The following CSMD1 variants were observed in gnomAD, a reference collection of about 807,000 sequenced individuals.
CSMD1 encodes the protein CUB and sushi domain-containing protein 1.
Under a neutral mutation model 417.5 loss-of-function variants are expected in CSMD1, and 213 were observed. The observed-to-expected ratio is 0.51, with a 90% CI of 0.46 to 0.57. CSMD1 has a LOEUF of 0.57. Among genes scored for constraint, CSMD1 ranks in the 20% least tolerant of loss-of-function variants. CSMD1 has a pLI of 0.00. For missense variants in CSMD1, 6,923 were observed against 4,529.7 expected, an observed-to-expected ratio of 1.53 and a Z score of -15.17; for synonymous variants, 2,862 against 1,736.8, an observed-to-expected ratio of 1.65 and a Z score of -16.11.
intron 3 of CSMD1, among the ~76,000 whole-genome samples, chr8:4,363,313 C>T (rs893148042): frequency 6.1e-4 from 93 of 152,278 alleles, no homozygotes; most frequent in African/African-American, 2.1e-3. Flanking sequence ...TCATGAAATT[C>T]TATACTACAG....
intron 23 of CSMD1, among the ~76,000 whole-genome samples, chr8:3,329,136 G>A (rs1415306930): frequency 1.3e-5 from 2 of 152,312 alleles, no homozygotes. Flanking sequence ...TGGAAGATAT[G>A]TAATTGAAGG....
chr8:3,254,823 C>T (rs1300365615), intron 26 of CSMD1, among the ~76,000 whole-genome samples: 2 of 152,070 alleles, frequency 1.3e-5, no homozygotes, highest in African/African-American at 2.4e-5. Flanking sequence ...CAAACTTCCT[C>T]CTTTAGCTCG....
At chr8:4,344,165 C>T (rs780552740) in intron 3 of CSMD1, among the ~76,000 whole-genome samples, 4 of 152,072 alleles carry the variant, frequency 2.6e-5, no homozygotes, top group Non-Finnish European at 5.9e-5. Flanking sequence ...TGTTAATCTG[C>T]TTTTTCATAT....
intron 1 of CSMD1, among the ~76,000 whole-genome samples, chr8:4,794,123 A>G (rs1430249893): frequency 5.3e-5 from 8 of 152,198 alleles, no homozygotes; most frequent in Non-Finnish European, 8.8e-5. Flanking sequence ...GTTCCCTCAT[A>G]TAATGCTTTA....
chr8:3,834,983 G>C (rs557596137), intron 5 of CSMD1, among the ~76,000 whole-genome samples: 60 of 152,134 alleles, frequency 3.9e-4, no homozygotes, highest in African/African-American at 1.3e-3. Flanking sequence ...ATCATCACTG[G>C]CCATCAGAGA....
intron 3 of CSMD1, among the ~76,000 whole-genome samples, chr8:4,112,311 G>A (rs1312806743): frequency 3.9e-5 from 6 of 152,156 alleles, no homozygotes; most frequent in East Asian, 3.9e-4. Flanking sequence ...CATTTACACA[G>A]ACTCCACCCT....
At chr8:3,831,766 T>C (rs1051232638) in intron 5 of CSMD1, among the ~76,000 whole-genome samples, 2 of 152,156 alleles carry the variant, frequency 1.3e-5, no homozygotes, top group Admixed American at 6.6e-5. Context: ...GCACAACACA[T>C]AGCCATTTGG....
chr8:3,656,269 C>T (rs955377076), intron 7 of CSMD1, among the ~76,000 whole-genome samples: 17 of 152,146 alleles, frequency 1.1e-4, no homozygotes, highest in African/African-American at 3.4e-4. Flanking sequence ...GAAAGTCAAA[C>T]GTGAGTTTAC....
chr8:4,635,072 T>C (rs1055171128), intron 2 of CSMD1, among the ~76,000 whole-genome samples: 2 of 152,142 alleles, frequency 1.3e-5, no homozygotes, highest in Non-Finnish European at 2.9e-5. Context: ...AATAAACAAG[T>C]AGAAATATGA....
intron 33 of CSMD1, among the ~76,000 whole-genome samples, chr8:3,192,514 T>C (rs926207773): frequency 2.6e-5 from 4 of 152,210 alleles, no homozygotes; most frequent in Non-Finnish European, 4.4e-5. Context: ...GTTTGGCTAC[T>C]ACTCAATTGT....
intron 3 of CSMD1, among the ~76,000 whole-genome samples, chr8:4,064,872 T>G (rs1203671650): frequency 6.6e-6 from 1 of 152,116 alleles, no homozygotes; most frequent in African/African-American, 2.4e-5. Flanking sequence ...GTAATGTGTG[T>G]ATCTACATGG....
chr8:4,719,946 C>A (rs114624134), intron 1 of CSMD1, among the ~76,000 whole-genome samples: 2,902 of 152,110 alleles, frequency 0.019, 76 homozygotes, highest in African/African-American at 0.056. Flanking sequence ...GCTAATGTCA[C>A]CTCACTTTAA....
intron 5 of CSMD1, among the ~76,000 whole-genome samples, chr8:3,864,940 G>C (rs1804978773): frequency 1.3e-5 from 2 of 152,176 alleles, no homozygotes. Context: ...CTTCTGTTCT[G>C]GGTGAACGAG....
At chr8:3,408,929 T>C (rs80305744) in intron 13 of CSMD1, among the ~76,000 whole-genome samples, 2,199 of 152,232 alleles carry the variant, frequency 0.014, 46 homozygotes, top group African/African-American at 0.05. Context: ...AAAAAAAACC[T>C]CTCCTTTAAA....
intron 5 of CSMD1, among the ~76,000 whole-genome samples, chr8:3,811,737 C>T (rs966408449): frequency 3.9e-5 from 6 of 151,964 alleles, no homozygotes; most frequent in African/African-American, 9.7e-5. Flanking sequence ...CACAATGCGG[C>T]GGAGAAAGGG....
At chr8:3,550,034 AT>A (rs1481618267) in intron 10 of CSMD1, among the ~76,000 whole-genome samples, 1 of 152,116 alleles carries the variant, frequency 6.6e-6, no homozygotes, top group Non-Finnish European at 1.5e-5. Flanking sequence ...TTTAACTCTG[AT>A]TTTTCTTGTT....
At chr8:3,721,770 T>A (rs550624366) in intron 6 of CSMD1, among the ~76,000 whole-genome samples, 1 of 152,182 alleles carries the variant, frequency 6.6e-6, no homozygotes, top group African/African-American at 2.4e-5. Flanking sequence ...ATGAGGATAA[T>A]AGAATTTCTC....
intron 5 of CSMD1, among the ~76,000 whole-genome samples, chr8:3,957,946 G>A (rs888727154): frequency 2.0e-5 from 3 of 152,124 alleles, no homozygotes; most frequent in Non-Finnish European, 2.9e-5. Flanking sequence ...AAATCCTGCA[G>A]GGTATAAAAT....
intron 5 of CSMD1, among the ~76,000 whole-genome samples, chr8:3,983,335 T>A (rs2688394): frequency 0.26 from 39,694 of 151,758 alleles, 5,268 homozygotes; most frequent in Non-Finnish European, 0.29. Context: ...TTTCACCGTG[T>A]TGGCCAGGAT....
Sources: allele counts gnomAD v4.1 joint callset (sites outside exome capture counted in the v4.1 genomes callset), GRCh38; gene constraint gnomAD v4.1.1; transcripts MANE v1.5; gene names NCBI Gene and HGNC (gene_info 2026-07-23, HGNC 2026-07-21).